Variants in ALPL observed in about 807,000 individuals in gnomAD.
ALPL encodes alkaline phosphatase, tissue-nonspecific isozyme.
ALPL carries 42 observed loss-of-function variants against 51.3 expected under a neutral mutation model. The observed-to-expected ratio is 0.82, with a 90% CI of 0.64 to 1.06. The LOEUF is 1.06. ALPL is among the 50% of genes least tolerant of loss of function. The probability of loss-of-function intolerance (pLI) is 0.00; values close to 1 mark genes in which losing one functional copy is unlikely to be tolerated. For missense variants in ALPL, 589 were observed against 709.4 expected, an observed-to-expected ratio of 0.83 and a Z score of 1.93; for synonymous variants, 279 against 296.4, an observed-to-expected ratio of 0.94 and a Z score of 0.60.
Position 21,526,204 on chromosome 1 carries a change from A to G in ALPL, c.-105+16687A>G, listed in dbSNP as rs150534601. Among the ~76,000 whole-genome samples the G allele has an allele frequency of 5.8e-3, 878 of 152,136 alleles. 13 individuals carry two copies. Among genetic ancestry groups the G allele is most frequent in the African/African-American group, 0.02 (851 of 41,518 alleles). On this transcript the variant is annotated intron_variant, in intron 1 of 11. Transcript: ENST00000374840. ...TCCCAGGCTGGAGTGCCATAGCGCC[A>G]TCTCGGCTCACTGCAACCTCCGCCT...
chr1:21,523,999 CTTTTT>C (rs10571494), intron 1 of ALPL, among the ~76,000 whole-genome samples: 105 of 94,544 alleles, frequency 1.1e-3, no homozygotes, highest in Admixed American at 1.9e-3. Context: ...CAAATCTCTG[CTTTTT>C]TTTTTTTTTT....
intron 2 of ALPL, among the ~76,000 whole-genome samples, chr1:21,554,899 CTT>C: frequency 8.8e-6 from 1 of 113,680 alleles, no homozygotes; most frequent in Non-Finnish European, 1.8e-5. Flanking sequence ...TTCTTTCTTT[CTT>C]TCTTTCTCTT....
chr1:21,544,471 G>C (rs1415734385), intron 1 of ALPL, among the ~76,000 whole-genome samples: 2 of 152,214 alleles, frequency 1.3e-5, no homozygotes, highest in Non-Finnish European at 2.9e-5. Context: ...AGCTGGGCGT[G>C]GTAGCTCACA....
chr1:21,563,990 G>A, intron 5 of ALPL, 51 bp from the exon 6 acceptor site: 6 of 1,606,160 alleles, frequency 3.7e-6, no homozygotes, highest in Non-Finnish European at 5.1e-6. Context: ...GGAGGCCTCT[G>A]GGACACCCCG....
At position 21,516,193 on chromosome 1, in the gene ALPL, G is replaced by A. The variant is rs191776494; in HGVS notation, c.-105+6676G>A. The stretch of plus-strand genomic sequence containing the variant: ...CTGCATCTGGCCAGCCTGGCCTTTT[G>A]GAGGATCTCATCCCCCTCCACCTGT... On this transcript the variant is annotated intron_variant, in intron 1 of 11. Transcript: ENST00000374840. 1.1e-3 allele frequency among the ~76,000 whole-genome samples: 174 copies of A among 152,176 alleles called. 2 individuals are homozygous for A. The highest frequency in any genetic ancestry group is 3.8e-4 in the Non-Finnish European group (26 of 68,012).
chr1:21,567,519 C>G (rs550625008), intron 6 of ALPL, among the ~76,000 whole-genome samples: 1 of 152,322 alleles, frequency 6.6e-6, no homozygotes, highest in African/African-American at 2.4e-5. Context: ...GCTGGAGCCT[C>G]TCCCTGCACG....
chr1:21,557,664 G>A (rs986663406), intron 2 of ALPL, among the ~76,000 whole-genome samples: 1 of 152,204 alleles, frequency 6.6e-6, no homozygotes, highest in Non-Finnish European at 1.5e-5. Context: ...CAAACTCCTG[G>A]CCTCAAGCAG....
intron 8 of ALPL, 63 bp from the exon 9 acceptor site, chr1:21,573,602 T>C: frequency 1.9e-6 from 3 of 1,600,786 alleles, no homozygotes; most frequent in South Asian, 2.2e-5. Flanking sequence ...CCCAGCTTCC[T>C]TGGAGTCCTC....
At chr1:21,518,742 C>T (rs1045762238) in intron 1 of ALPL, among the ~76,000 whole-genome samples, 6 of 152,122 alleles carry the variant, frequency 3.9e-5, no homozygotes, top group Non-Finnish European at 7.4e-5. Context: ...GAGAGGGCTC[C>T]GTAATAGGCC....
intron 2 of ALPL, among the ~76,000 whole-genome samples, chr1:21,557,776 C>A (rs1558545691): frequency 6.6e-6 from 1 of 152,102 alleles, no homozygotes; most frequent in African/African-American, 2.4e-5. Flanking sequence ...GAAAAGGGCA[C>A]CGATCTTAAA....
intron 2 of ALPL, 94 bp downstream of exon 2, chr1:21,554,236 A>C (rs1644368754): frequency 1.5e-6 from 2 of 1,308,626 alleles, no homozygotes; most frequent in African/African-American, 2.9e-5. Context: ...AGAACCATCC[A>C]AAGTATTTAA....
chr1:21,576,763 A>G lies in ALPL; in HGVS notation c.1309+122A>G, dbSNP rs1644743442. The G allele has an allele frequency of 2.9e-6, 4 of 1,367,064 alleles. No individual in the cohort carries two copies. In the Admixed American group the frequency reaches 5.8e-5, roughly 20 times the overall value. The allele number at this position is 1,367,064 out of a possible 1,614,324, so 84.7% of individuals were successfully genotyped here. A position where few individuals can be genotyped will look rare whatever the true frequency, so the allele number is the denominator to read the frequency against. On this transcript the variant is annotated intron_variant, in intron 11 of 11. Coordinates refer to ENST00000374840, the MANE Select transcript of ALPL (RefSeq NM_000478.6). Reference sequence around the variant, plus strand: ...TCAGAATGACTGGGGCTTGAGTCCCAGTTTGATTGTTGAGTCCCAGGTTGT... The same window carrying G: ...TCAGAATGACTGGGGCTTGAGTCCCGGTTTGATTGTTGAGTCCCAGGTTGT...
At chr1:21,526,492 G>A (rs1236535448) in intron 1 of ALPL, among the ~76,000 whole-genome samples, 1 of 152,034 alleles carries the variant, frequency 6.6e-6, no homozygotes, top group Non-Finnish European at 1.5e-5. Context: ...TTTGATATGT[G>A]GTGTTTTTAA....
intron 1 of ALPL, among the ~76,000 whole-genome samples, chr1:21,552,105 T>TCCCCCCCCCCCCCCCCCCCCCCCCCCCCC (rs1558542001): frequency 4.4e-5 from 1 of 22,842 alleles, no homozygotes; most frequent in Non-Finnish European, 7.0e-5. Flanking sequence ...TCCCTTCCCT[T>TCCCCCCCCCCCCCCCCCCCCCCCCCCCCC]TCCTCCCCTT....
chr1:21,544,010 G>A (rs1372428880), intron 1 of ALPL, among the ~76,000 whole-genome samples: 1 of 152,188 alleles, frequency 6.6e-6, no homozygotes, highest in Non-Finnish European at 1.5e-5. Flanking sequence ...CCCTGGGTAG[G>A]TCCCACATGG....
intron 9 of ALPL, chr1:21,574,472 A>G (rs1316048319): frequency 6.4e-6 from 1 of 155,776 alleles, no homozygotes; most frequent in African/African-American, 2.4e-5. Flanking sequence ...GAAACCTTCC[A>G]GTGCTAACAG....
chr1:21,529,242 T>C (rs1643996882), intron 1 of ALPL, among the ~76,000 whole-genome samples: 1 of 151,944 alleles, frequency 6.6e-6, no homozygotes, highest in African/African-American at 2.4e-5. Context: ...TTTTAACTTT[T>C]CTTTCAATGT....
At chr1:21,514,599 A>G (rs1040838759) in intron 1 of ALPL, among the ~76,000 whole-genome samples, 1 of 152,192 alleles carries the variant, frequency 6.6e-6, no homozygotes, top group African/African-American at 2.4e-5. Flanking sequence ...TGATGGTTAC[A>G]TGCGGGGGGC....
At chr1:21,523,969 C>G (rs1167854969) in intron 1 of ALPL, among the ~76,000 whole-genome samples, 1 of 150,590 alleles carries the variant, frequency 6.6e-6, no homozygotes, top group Non-Finnish European at 1.5e-5. Flanking sequence ...TGAATCTAAC[C>G]TCCCCAAAGG....
Sources: gnomAD v4.1 joint callset for allele counts (sites outside exome capture counted in the v4.1 genomes callset) on GRCh38, gnomAD v4.1.1 for gene constraint, MANE v1.5 for transcripts, NCBI Gene and HGNC (gene_info 2026-07-23, HGNC 2026-07-21) for gene names.